SELENOK: variants seen among roughly 807,000 people sequenced by gnomAD.
SELENOK encodes selenoprotein K.
SELENOK carries 11 observed loss-of-function variants against 17.3 expected under a neutral mutation model. The observed-to-expected ratio is 0.63, with a 90% CI of 0.40 to 1.05. SELENOK has a LOEUF of 1.05. SELENOK is among the 50% of genes least tolerant of loss of function. The pLI is 0.00. For missense variants in SELENOK, 125 were observed against 113.9 expected, an observed-to-expected ratio of 1.10 and a Z score of -0.44; for synonymous variants, 45 against 35.4, an observed-to-expected ratio of 1.27 and a Z score of -0.97.
chr3:53,886,494 A>C (rs1428069324), intron 3 of SELENOK, among the ~76,000 whole-genome samples: 1 of 152,194 alleles, frequency 6.6e-6, no homozygotes, highest in Non-Finnish European at 1.5e-5. Flanking sequence ...TCAGCCTCCC[A>C]AAGTGCTGGG....
rs745995501 is a variant in SELENOK, at chr3:53,886,892, GCTT to G, written c.150_152del (p.Arg50del). ...ATCTGGAATCAGATGAGTTTCCATA[GCTT>G]CTTCTTTTTTTCACATCTTGCTGAA... is the stretch of plus-strand genomic sequence containing the variant. On this transcript the variant is annotated inframe_deletion, in exon 3 of 5. Transcript: ENST00000495461. 2.9e-5 allele frequency: 45 copies of G among 1,572,732 alleles called. No homozygotes were observed. The Middle Eastern group carries it at 5.0e-4, about 17-fold the overall frequency.
In SELENOK at chr3:53,885,244, C is replaced by T. The variant is rs1036800452; in HGVS notation, c.*314G>A. The T allele has an allele frequency of 4.4e-6, 1 of 228,246 alleles. No homozygotes were observed. The highest frequency in any genetic ancestry group is 8.4e-6 in the Non-Finnish European group (1 of 119,072). The allele number at this position is 228,246 out of a possible 1,614,324, so 14.1% of individuals were successfully genotyped here. A position where few individuals can be genotyped will look rare whatever the true frequency, so the allele number is the denominator to read the frequency against. On this transcript the variant is annotated 3_prime_UTR_variant, in exon 5 of 5. Coordinates refer to ENST00000495461, the MANE Select transcript of SELENOK (RefSeq NM_021237.5). ...ATTTGTTTTCTTCAGATTGCTTTTT[C>T]GTGAATATAAAGATGAGGAGTCCAT...
intron 1 of SELENOK, among the ~76,000 whole-genome samples, chr3:53,890,352 A>C (rs11717931): frequency 0.08 from 12,162 of 152,264 alleles, 796 homozygotes; most frequent in East Asian, 0.23. Context: ...AGTCCTAAGA[A>C]GGTGGATCTA....
intron 1 of SELENOK, among the ~76,000 whole-genome samples, chr3:53,890,276 A>G (rs1163894260): frequency 6.6e-6 from 1 of 152,176 alleles, no homozygotes; most frequent in Non-Finnish European, 1.5e-5. Flanking sequence ...GCCATCACAT[A>G]AGATTTTTGG....
chr3:53,886,926 G>C lies in SELENOK; in HGVS notation c.119C>G (p.Thr40Ser). ...TTTTTTCACATCTTGCTGAAGCAGAGTTTTGAAACTGAAACAAGGGGCAGA... is the reference window on the plus strand; with the variant it reads ...TTTTTTCACATCTTGCTGAAGCAGACTTTTGAAACTGAAACAAGGGGCAGA... ...IAEFVVLFFK[T>S]LLQQDVKKRR... The change falls in exon 3 of 5, where the codon ACT (threonine) becomes AGT (serine). Residue 40 changes from threonine to serine, a missense_variant. Thr to Ser is a moderately conservative substitution (Grantham distance 58). Coordinates refer to ENST00000495461, the MANE Select transcript of SELENOK (RefSeq NM_021237.5). The C allele has an allele frequency of 6.4e-7, 1 of 1,558,658 alleles. No homozygotes were observed. Among genetic ancestry groups the C allele is most frequent in the Non-Finnish European group, 8.7e-7 (1 of 1,150,524 alleles).
chr3:53,888,272 T>A, intron 2 of SELENOK, 121 bp downstream of exon 2: 1 of 674,574 alleles, frequency 1.5e-6, no homozygotes, highest in Non-Finnish European at 2.6e-6. Context: ...AGCTATTTTT[T>A]AAATTGCAAT....
intron 4 of SELENOK, 95 bp from the exon 5 acceptor site, chr3:53,885,656 A>C: frequency 7.3e-7 from 1 of 1,373,724 alleles, no homozygotes; most frequent in Non-Finnish European, 1.0e-6. Flanking sequence ...CTTTCTCAAA[A>C]GACATTTTGA....
intron 1 of SELENOK, among the ~76,000 whole-genome samples, chr3:53,889,957 C>T (rs1700155772): frequency 6.6e-6 from 1 of 152,230 alleles, no homozygotes; most frequent in South Asian, 2.1e-4. Context: ...CACTATATTT[C>T]AGCCTTGCAA....
intron 2 of SELENOK, among the ~76,000 whole-genome samples, chr3:53,887,768 G>A (rs1209817969): frequency 1.3e-5 from 2 of 152,112 alleles, no homozygotes; most frequent in African/African-American, 4.8e-5. Context: ...CCACATCTTT[G>A]CATCCCTACA....
chr3:53,891,412 C>A (rs1445595143), intron 1 of SELENOK, among the ~76,000 whole-genome samples: 1 of 152,244 alleles, frequency 6.6e-6, no homozygotes, highest in Non-Finnish European at 1.5e-5. Context: ...AGGGCACAAG[C>A]GCTACGTGTA....
At chr3:53,887,492 G>T (rs1700135817) in intron 2 of SELENOK, among the ~76,000 whole-genome samples, 1 of 152,160 alleles carries the variant, frequency 6.6e-6, no homozygotes, top group Admixed American at 6.5e-5. Flanking sequence ...GTGCCCTGTT[G>T]TATTTTTCTA....
intron 1 of SELENOK, among the ~76,000 whole-genome samples, chr3:53,889,600 T>C (rs1385278608): frequency 6.6e-6 from 1 of 152,232 alleles, no homozygotes; most frequent in African/African-American, 2.4e-5. Context: ...TTTATTCAAG[T>C]ACTTTGAAGA....
chr3:53,889,753 G>A lies in SELENOK; in HGVS notation c.20-1270C>T, dbSNP rs11130384. Among the ~76,000 whole-genome samples, 397 of 152,276 alleles carry A rather than the reference G, an allele frequency of 2.6e-3. 2 individuals carry two copies. Among genetic ancestry groups the A allele is most frequent in the African/African-American group, 8.9e-3 (369 of 41,536 alleles). On this transcript the variant is annotated intron_variant, in intron 1 of 4. Transcript: ENST00000495461. ...ATACTCTTACAAGTCTTTGGAATCAGTTATTTTTATAAAATTCTTATAAAG... is the reference window on the plus strand; with the variant it reads ...ATACTCTTACAAGTCTTTGGAATCAATTATTTTTATAAAATTCTTATAAAG...
At chr3:53,891,286 G>GC (rs1378368331) in intron 1 of SELENOK, among the ~76,000 whole-genome samples, 1 of 152,168 alleles carries the variant, frequency 6.6e-6, no homozygotes. Context: ...CAGCCATTAA[G>GC]TTACCTCTGT....
At chr3:53,891,665 C>T in intron 1 of SELENOK, 105 bp downstream of exon 1, 1 of 1,474,994 alleles carries the variant, frequency 6.8e-7, no homozygotes, top group South Asian at 1.2e-5. Context: ...GCGCTAAGCC[C>T]GGGGAAGCCG....
In SELENOK at chr3:53,891,801, C is replaced by A. The variant is rs762110412; in HGVS notation, c.-13G>T. 3 of 1,613,952 alleles carry A rather than the reference C, an allele frequency of 1.9e-6. No homozygotes were observed. Among genetic ancestry groups the A allele is most frequent in the Admixed American group, 3.3e-5 (2 of 60,028 alleles). Reference sequence around the variant, plus strand: ...AGATGTAAACCATCTTGTCCCACTTCCCCGCTTCGGAGCCACCGGGCGCCT... The same window carrying A: ...AGATGTAAACCATCTTGTCCCACTTACCCGCTTCGGAGCCACCGGGCGCCT... On this transcript the variant is annotated 5_prime_UTR_variant, in exon 1 of 5. Transcript: ENST00000495461.
At chr3:53,886,134 G>A (rs896972548) in intron 3 of SELENOK, among the ~76,000 whole-genome samples, 10 of 152,238 alleles carry the variant, frequency 6.6e-5, no homozygotes, top group African/African-American at 1.9e-4. Context: ...AAAGGACTGT[G>A]ATGAACTGAA....
chr3:53,888,047 G>C (rs1700139134), intron 2 of SELENOK: 1 of 162,234 alleles, frequency 6.2e-6, no homozygotes, highest in Non-Finnish European at 1.3e-5. Flanking sequence ...TGGAATGAAA[G>C]TTGCATGCAC....
At chr3:53,888,083 T>TA (rs1423258538) in intron 2 of SELENOK, 2 of 196,208 alleles carry the variant, frequency 1.0e-5, no homozygotes, top group Non-Finnish European at 2.0e-5. Context: ...ACAAGAATAG[T>TA]AGAGAGAAAG....
Sources: allele counts gnomAD v4.1 joint callset (sites outside exome capture counted in the v4.1 genomes callset), GRCh38; gene constraint gnomAD v4.1.1; transcripts MANE v1.5; gene names NCBI Gene and HGNC (gene_info 2026-07-23, HGNC 2026-07-21).